Variants in TBL1X observed in about 807,000 individuals in gnomAD.
TBL1X encodes F-box-like/WD repeat-containing protein TBL1X.
In TBL1X, 10 loss-of-function variants were observed where a neutral mutation model predicts 50.7. That is an observed-to-expected ratio of 0.20 (90% CI 0.12 to 0.33). The LOEUF is 0.33. Among genes scored for constraint, TBL1X ranks in the 10% least tolerant of loss-of-function variants. The pLI is 1.00. For synonymous variants in TBL1X, 190 were observed against 214.7 expected, an observed-to-expected ratio of 0.88 and a Z score of 1.01; for missense variants, 340 against 504.4, an observed-to-expected ratio of 0.67 and a Z score of 3.12.
At chrX:9,532,443 C>T (rs1204311904) in intron 2 of TBL1X, among the ~76,000 whole-genome samples, 1 of 111,738 alleles carries the variant, frequency 8.9e-6, no homozygotes, top group Non-Finnish European at 1.9e-5. Flanking sequence ...GGTTAGGGGG[C>T]AAGCCCATGA....
intron 2 of TBL1X, among the ~76,000 whole-genome samples, chrX:9,587,738 C>T (rs906843994): frequency 9.0e-6 from 1 of 111,431 alleles, no homozygotes; most frequent in South Asian, 3.8e-4. Flanking sequence ...GTCACCACAG[C>T]CCAGTTTAGA....
intron 13 of TBL1X, among the ~76,000 whole-genome samples, chrX:9,705,791 T>C (rs1241485025): frequency 9.2e-6 from 1 of 109,224 alleles, no homozygotes; most frequent in Non-Finnish European, 1.9e-5. Flanking sequence ...ATGAAAGTCT[T>C]AATAGGTGGG....
intron 2 of TBL1X, among the ~76,000 whole-genome samples, chrX:9,625,130 G>A (rs1044805580): frequency 8.9e-6 from 1 of 112,338 alleles, no homozygotes; most frequent in Non-Finnish European, 1.9e-5. Context: ...TGGTGAAAAC[G>A]TCTGCAGGTT....
intron 2 of TBL1X, among the ~76,000 whole-genome samples, chrX:9,546,562 G>A (rs2082243402): frequency 9.0e-6 from 1 of 111,068 alleles, no homozygotes; most frequent in Non-Finnish European, 1.9e-5. Context: ...CACCAAGTCT[G>A]TTTACTTATG....
intron 2 of TBL1X, among the ~76,000 whole-genome samples, chrX:9,607,620 G>C: frequency 8.9e-6 from 1 of 112,650 alleles, no homozygotes; most frequent in Non-Finnish European, 1.9e-5. Context: ...CTGAGGCTTG[G>C]ATGGCACTCC....
chrX:9,549,436 AT>A (rs1459680472), intron 2 of TBL1X, among the ~76,000 whole-genome samples: 1 of 112,842 alleles, frequency 8.9e-6, no homozygotes, highest in Non-Finnish European at 1.9e-5. Flanking sequence ...ACTGTCATAC[AT>A]TTTGATTTTT....
chrX:9,629,246 G>A (rs1327043944), intron 2 of TBL1X, among the ~76,000 whole-genome samples: 1 of 112,824 alleles, frequency 8.9e-6, no homozygotes, highest in Non-Finnish European at 1.9e-5. Flanking sequence ...TGCTTTTGTA[G>A]GTAGTTTTAT....
rs921394003 is a variant in TBL1X, at chrX:9,704,263, T to G, written c.1115-730T>G. Among the ~76,000 whole-genome samples the G allele has an allele frequency of 2.7e-5, 3 of 112,084 alleles. No individual in the cohort carries two copies. The Admixed American group carries it at 2.8e-4, about 11-fold the overall frequency. ...ATGCCTTAATGTGTTACAGGAGAGT[T>G]TTTTTCATATTGAGGTATCTTGAAC... is the stretch of plus-strand genomic sequence containing the variant. On this transcript the variant is annotated intron_variant, in intron 12 of 17. Transcript: ENST00000645353.
At chrX:9,558,619 T>G (rs191157939) in intron 2 of TBL1X, among the ~76,000 whole-genome samples, 204 of 111,425 alleles carry the variant, frequency 1.8e-3, no homozygotes, top group Non-Finnish European at 3.4e-3. Context: ...GAAGTGAACA[T>G]AGTGGTTACA....
chrX:9,547,566 C>T (rs769960794), intron 2 of TBL1X, among the ~76,000 whole-genome samples: 4 of 110,767 alleles, frequency 3.6e-5, no homozygotes, highest in Non-Finnish European at 5.7e-5. Flanking sequence ...GTTCTCCACC[C>T]GCCTTGGCCT....
intron 2 of TBL1X, among the ~76,000 whole-genome samples, chrX:9,597,758 C>T (rs2082533638): frequency 8.9e-6 from 1 of 112,343 alleles, no homozygotes; most frequent in Non-Finnish European, 1.9e-5. Flanking sequence ...GGTGCAGGCT[C>T]TGATGTTCCA....
chrX:9,654,154 CA>C (rs367680489), intron 4 of TBL1X, 60 bp from the exon 5 acceptor site: 36,521 of 687,900 alleles, frequency 0.053, 11 homozygotes, highest in Non-Finnish European at 0.054. Context: ...TTAGTCATCT[CA>C]AAAAAAAAAA....
intron 3 of TBL1X, among the ~76,000 whole-genome samples, chrX:9,645,794 T>A (rs148205756): frequency 0.027 from 3,035 of 111,870 alleles, 124 homozygotes; most frequent in African/African-American, 0.095. Context: ...CTCCCCAAAC[T>A]TTTCCTCTGT....
At chrX:9,645,088 T>C (rs2082796819) in intron 3 of TBL1X, 1 of 112,251 alleles carries the variant, frequency 8.9e-6, no homozygotes, top group Admixed American at 9.4e-5. Context: ...TCTGAAGACA[T>C]TGCCAGGTCG....
chrX:9,655,874 A>C lies in TBL1X; in HGVS notation c.211+1552A>C, dbSNP rs969703451. Among the ~76,000 whole-genome samples the C allele has an allele frequency of 7.1e-5, 8 of 112,215 alleles. No homozygotes were observed. In the Admixed American group the frequency reaches 7.5e-4, roughly 11 times the overall value. ...AGTCTGAGTGAGGCCTGTTCATTTG[A>C]GCCTGGGTTTCCTTGCCCAGGCAAA... is the stretch of plus-strand genomic sequence containing the variant. On this transcript the variant is annotated intron_variant, in intron 5 of 17. Coordinates refer to ENST00000645353, the MANE Select transcript of TBL1X (RefSeq NM_005647.4).
chrX:9,693,117 T>G lies in TBL1X; in HGVS notation c.892-32T>G, dbSNP rs779800032. ...TCGGTGCTGCCGCTCCTAAGTTGTTTTTGTGGGGTTTTGTCTCTTTCTGGC... is the reference window on the plus strand; with the variant it reads ...TCGGTGCTGCCGCTCCTAAGTTGTTGTTGTGGGGTTTTGTCTCTTTCTGGC... On this transcript the variant is annotated intron_variant, in intron 9 of 17. Transcript: ENST00000645353. The G allele has an allele frequency of 4.1e-6, 5 of 1,208,392 alleles. No individual in the cohort carries two copies. The South Asian group carries it at 8.8e-5, about 21-fold the overall frequency.
intron 5 of TBL1X, among the ~76,000 whole-genome samples, chrX:9,659,589 TG>T (rs1273153698): frequency 8.9e-6 from 1 of 112,566 alleles, no homozygotes; most frequent in African/African-American, 3.2e-5. Flanking sequence ...ACAGGTCATT[TG>T]TATGAACGCA....
intron 2 of TBL1X, among the ~76,000 whole-genome samples, chrX:9,538,287 C>A (rs891277065): frequency 4.5e-5 from 5 of 111,561 alleles, no homozygotes; most frequent in Non-Finnish European, 1.9e-5. Flanking sequence ...GTAATTTCAG[C>A]CTGGTTTATG....
At chrX:9,556,204 A>G (rs202038175) in intron 2 of TBL1X, among the ~76,000 whole-genome samples, 2 of 27,403 alleles carry the variant, frequency 7.3e-5, no homozygotes, top group African/African-American at 3.0e-4. Context: ...AAAAAACAAA[A>G]CAAAACAAAA....
Sources: gnomAD v4.1 joint callset for allele counts (sites outside exome capture counted in the v4.1 genomes callset) on GRCh38, gnomAD v4.1.1 for gene constraint, MANE v1.5 for transcripts, NCBI Gene and HGNC (gene_info 2026-07-23, HGNC 2026-07-21) for gene names.